The following AGPAT3 variants were observed in gnomAD, a reference collection of about 807,000 sequenced individuals.
AGPAT3 encodes 1-acyl-sn-glycerol-3-phosphate acyltransferase gamma.
Under a neutral mutation model 47.3 loss-of-function variants are expected in AGPAT3, and 5 were observed. The observed-to-expected ratio is 0.11, with a 90% confidence interval of 0.06 to 0.22. AGPAT3 has a LOEUF of 0.22. Among genes scored for constraint, AGPAT3 ranks in the 10% least tolerant of loss-of-function variants. The pLI is 1.00. For missense variants in AGPAT3, 315 were observed against 493.0 expected (o/e 0.64, Z 3.42); for synonymous variants, 212 against 208.3 (o/e 1.02, Z -0.15).
chr21:43,980,292 C>CA (rs1054360752), intron 8 of AGPAT3, among the ~76,000 whole-genome samples: 1,899 of 117,446 alleles, frequency 0.016, 52 homozygotes, highest in African/African-American at 0.07. Flanking sequence ...AAAAAAAAAA[C>CA]AAAAAAAAAC....
chr21:43,956,073 C>T (rs1470787323), intron 2 of AGPAT3, among the ~76,000 whole-genome samples: 2 of 152,096 alleles, frequency 1.3e-5, no homozygotes, highest in Non-Finnish European at 1.5e-5. Context: ...GATGTGTGCC[C>T]CTGGGTGAGG....
chr21:43,914,918 A>G (rs983390493), intron 2 of AGPAT3, among the ~76,000 whole-genome samples: 9 of 152,228 alleles, frequency 5.9e-5, no homozygotes, highest in Admixed American at 3.9e-4. Flanking sequence ...TGTTTAAACT[A>G]TCTTTTCCAT....
intron 1 of AGPAT3, among the ~76,000 whole-genome samples, chr21:43,870,683 C>T (rs1297259087): frequency 6.6e-6 from 1 of 152,200 alleles, no homozygotes; most frequent in Non-Finnish European, 1.5e-5. Flanking sequence ...GATCGTGCCA[C>T]TGCACTCCAG....
At chr21:43,906,963 C>T (rs1250905696) in intron 2 of AGPAT3, among the ~76,000 whole-genome samples, 1 of 152,018 alleles carries the variant, frequency 6.6e-6, no homozygotes, top group African/African-American at 2.4e-5. Context: ...AGGGTAGCTG[C>T]CCTGGCAGGA....
rs556065412 is a variant in AGPAT3, at chr21:43,957,560, C to T, written c.-48-2074C>T. Among the ~76,000 whole-genome samples, 1,109 of 146,262 alleles carry T rather than the reference C, an allele frequency of 7.6e-3. 14 individuals are homozygous for T. Among genetic ancestry groups the T allele is most frequent in the African/African-American group, 0.026 (1,030 of 39,208 alleles). ...GGGGTCTCGGGTTTCCCCCTCCACA[C>T]GGGGGTCTCGGGTTTCCCCCTCCAC... On this transcript the variant is annotated intron_variant, in intron 2 of 9. Transcript: ENST00000291572.
At position 43,934,046 on chromosome 21, in the gene AGPAT3, G is replaced by T. The variant is rs1187699955; in HGVS notation, c.-48-25588G>T. ...AGCTGCCGAATGCCGTACCAGGGCA[G>T]GGGCAGTGGAGCAGGTGTCTGCCCT... On this transcript the variant is annotated intron_variant, in intron 2 of 9. Transcript: ENST00000291572. The surrounding 1 kb of genome is among the most constrained non-coding windows in gnomAD (Gnocchi z 4.7). Among the ~76,000 whole-genome samples the T allele has an allele frequency of 1.3e-5, 2 of 152,240 alleles. No individual in the cohort carries two copies. Among genetic ancestry groups the T allele is most frequent in the Non-Finnish European group, 2.9e-5 (2 of 68,038 alleles).
chr21:43,873,679 A>C (rs947821392), intron 1 of AGPAT3, among the ~76,000 whole-genome samples: 2 of 152,162 alleles, frequency 1.3e-5, no homozygotes, highest in Admixed American at 1.3e-4. Flanking sequence ...CGCCCAGCCC[A>C]AGTTGTCAGT....
At chr21:43,927,943 G>T (rs2087110476) in intron 2 of AGPAT3, among the ~76,000 whole-genome samples, 1 of 152,162 alleles carries the variant, frequency 6.6e-6, no homozygotes, top group African/African-American at 2.4e-5. Flanking sequence ...AAGTTAGAAC[G>T]CCTTGCCCCA....
rs2146998235 is a variant in AGPAT3, at chr21:43,984,816, C to T, written c.*2424C>T. The T allele has an allele frequency of 4.2e-6, 1 of 240,354 alleles. No individual in the cohort carries two copies. The highest frequency in any genetic ancestry group is 1.1e-4 in the East Asian group (1 of 8,890). 14.9% of individuals were successfully genotyped at this position (240,354 alleles called of 1,614,324 possible). On this transcript the variant is annotated 3_prime_UTR_variant, in exon 10 of 10. Coordinates refer to ENST00000291572, the MANE Select transcript of AGPAT3 (RefSeq NM_020132.5). ...CTTTTTTTTTTCTTTTTCCTTTACACCCTACTTCTGAGCTTAATTCAGTTG... is the reference window on the plus strand; with the variant it reads ...CTTTTTTTTTTCTTTTTCCTTTACATCCTACTTCTGAGCTTAATTCAGTTG...
intron 2 of AGPAT3, among the ~76,000 whole-genome samples, chr21:43,909,292 ATTTTTTTTT>A (rs11365476): frequency 9.8e-6 from 1 of 102,304 alleles, no homozygotes; most frequent in African/African-American, 3.5e-5. Flanking sequence ...TTTCATACAC[ATTTTTTTTT>A]TTTTTTTTTT....
Position 43,908,386 on chromosome 21 carries a change from G to A in AGPAT3, c.-49+4367G>A, listed in dbSNP as rs1015944212. On this transcript the variant is annotated intron_variant, in intron 2 of 9. Coordinates refer to ENST00000291572, the MANE Select transcript of AGPAT3 (RefSeq NM_020132.5). The surrounding 1 kb of genome is among the most constrained non-coding windows in gnomAD (Gnocchi z 4.9). Reference sequence around the variant, plus strand: ...TGTGTGTTGAGCCCCGGCCCTTCTCGATCAGAAAGGAGGTGTCCCGATCAG... The same window carrying A: ...TGTGTGTTGAGCCCCGGCCCTTCTCAATCAGAAAGGAGGTGTCCCGATCAG... Among the ~76,000 whole-genome samples the A allele has an allele frequency of 4.6e-5, 7 of 152,188 alleles. No homozygotes were observed. The highest frequency in any genetic ancestry group is 8.8e-5 in the Non-Finnish European group (6 of 68,042).
intron 1 of AGPAT3, chr21:43,867,243 G>C (rs966515388): frequency 6.6e-6 from 1 of 152,230 alleles, no homozygotes; most frequent in South Asian, 2.1e-4. Flanking sequence ...GTTGTGTCAC[G>C]GAACGGCAGG....
chr21:43,923,073 C>T (rs1238739239), intron 2 of AGPAT3, among the ~76,000 whole-genome samples: 1 of 152,200 alleles, frequency 6.6e-6, no homozygotes, highest in Admixed American at 6.5e-5. Context: ...ACAAGGAGAA[C>T]AAACCCAGAG....
intron 2 of AGPAT3, among the ~76,000 whole-genome samples, chr21:43,949,317 G>A (rs905457914): frequency 6.6e-6 from 1 of 152,202 alleles, no homozygotes; most frequent in African/African-American, 2.4e-5. Context: ...CAGCAACATG[G>A]TTCTTCTGCT....
At position 43,986,429 on chromosome 21, in the gene AGPAT3, TCTTAA is replaced by T. The variant is rs1403211765; in HGVS notation, c.*4041_*4045del. On this transcript the variant is annotated 3_prime_UTR_variant, in exon 10 of 10. Coordinates refer to ENST00000291572, the MANE Select transcript of AGPAT3 (RefSeq NM_020132.5). ...ATGTCACCTGGAGTTCGTCTCCATT[TCTTAA>T]CTTTTTGTTGCACAAGTATTTGGAC... The T allele has an allele frequency of 6.6e-6, 1 of 152,644 alleles. No individual in the cohort carries two copies. Among genetic ancestry groups the T allele is most frequent in the African/African-American group, 2.4e-5 (1 of 41,458 alleles). 9.5% of individuals were successfully genotyped at this position (152,644 alleles called of 1,614,324 possible).
At chr21:43,881,746 C>A (rs1322103816) in intron 1 of AGPAT3, among the ~76,000 whole-genome samples, 1 of 152,196 alleles carries the variant, frequency 6.6e-6, no homozygotes. Context: ...ACCTCTGCCT[C>A]CTGAGTTCAA....
rs6518337 is a variant in AGPAT3 at position 43,932,388 on chromosome 21, C to G, written c.-48-27246C>G. On this transcript the variant is annotated intron_variant, in intron 2 of 9. Transcript: ENST00000291572. This position sits in a 1 kb window ranked among gnomAD's most constrained non-coding sequence, Gnocchi z 5.2. ...GTCGTTCTGTGACTGGCTGATTATCCACTTAGTGTCGGGTCTACCACGTTT... is the reference window on the plus strand; with the variant it reads ...GTCGTTCTGTGACTGGCTGATTATCGACTTAGTGTCGGGTCTACCACGTTT... Among the ~76,000 whole-genome samples, 115,961 of 152,132 alleles carry G rather than the reference C, an allele frequency of 0.76. 44,295 individuals are homozygous for G. The highest frequency in any genetic ancestry group is 0.83 in the Admixed American group (12,770 of 15,294).
At chr21:43,887,105 G>A (rs763637032) in intron 1 of AGPAT3, among the ~76,000 whole-genome samples, 25 of 152,204 alleles carry the variant, frequency 1.6e-4, no homozygotes, top group East Asian at 1.9e-4. Context: ...CTGGCTAAAC[G>A]TGGGTACTCC....
chr21:43,890,715 G>GTTT (rs34632493), intron 1 of AGPAT3, among the ~76,000 whole-genome samples: 2 of 143,888 alleles, frequency 1.4e-5, no homozygotes, highest in African/African-American at 5.1e-5. Context: ...GCCCAGCCAG[G>GTTT]TTTTTTTTTT....
Sources: gnomAD v4.1 joint callset for allele counts (sites outside exome capture counted in the v4.1 genomes callset) on GRCh38, gnomAD v4.1.1 for gene constraint, Gnocchi (gnomAD v3.1) non-coding constraint, MANE v1.5 for transcripts, NCBI Gene and HGNC (gene_info 2026-07-23, HGNC 2026-07-21) for gene names.